Variants in TOX observed in about 807,000 individuals in gnomAD.
The protein encoded by TOX is thymocyte selection associated high mobility group box, also known as thymocyte selection-associated high mobility group box protein TOX.
Under a neutral mutation model 53.7 loss-of-function variants are expected in TOX, and 11 were observed. The observed-to-expected ratio is 0.20, with a 90% CI of 0.13 to 0.34. The LOEUF is 0.34. Ranked by LOEUF, TOX falls within the 10% of genes least tolerant of loss-of-function variation. The probability of loss-of-function intolerance (pLI) is 1.00; values close to 1 mark genes in which losing one functional copy is unlikely to be tolerated. For missense variants in TOX, 570 were observed against 664.6 expected, an observed-to-expected ratio of 0.86 and a Z score of 1.56; for synonymous variants, 225 against 245.3, an observed-to-expected ratio of 0.92 and a Z score of 0.77.
intron 3 of TOX, among the ~76,000 whole-genome samples, chr8:58,906,388 G>A (rs1166893948): frequency 6.6e-6 from 1 of 152,224 alleles, no homozygotes; most frequent in Non-Finnish European, 1.5e-5. Context: ...GAAAAGGGAT[G>A]CTGAAGCATC....
chr8:58,816,169 G>A (rs1240144890), intron 6 of TOX, among the ~76,000 whole-genome samples: 1 of 152,140 alleles, frequency 6.6e-6, no homozygotes, highest in African/African-American at 2.4e-5. Context: ...TTCTCAAAGA[G>A]ACTTGGCCTA....
At chr8:58,892,884 C>A (rs941369291) in intron 3 of TOX, among the ~76,000 whole-genome samples, 7 of 152,040 alleles carry the variant, frequency 4.6e-5, no homozygotes, top group South Asian at 2.1e-4. Context: ...GTTGGAGAAG[C>A]AATTGTGAGG....
Position 58,920,716 on chromosome 8 carries a change from AAC to A in TOX, c.411+18584_411+18585del, listed in dbSNP as rs1403196494. Among the ~76,000 whole-genome samples, 32 of 69,248 alleles carry A rather than the reference AAC, an allele frequency of 4.6e-4. 1 individual carries two copies. The highest frequency in any genetic ancestry group is 2.7e-3 in the South Asian group (5 of 1,832). 45.4% of individuals were successfully genotyped at this position (69,248 alleles called of 152,430 possible). On this transcript the variant is annotated intron_variant, in intron 3 of 8. Coordinates refer to ENST00000361421, the MANE Select transcript of TOX (RefSeq NM_014729.3). Reference sequence around the variant, plus strand: ...AAAACTTAAAGTATAATAAAAAAAAAACATTAAAAAAAAAAAAAAAGAAAAAA... The same window carrying A: ...AAAACTTAAAGTATAATAAAAAAAAAATTAAAAAAAAAAAAAAAGAAAAAA...
intron 6 of TOX, among the ~76,000 whole-genome samples, chr8:58,821,143 C>T (rs1253590102): frequency 6.6e-6 from 1 of 152,024 alleles, no homozygotes; most frequent in Non-Finnish European, 1.5e-5. Flanking sequence ...TTGTTTATAT[C>T]TAGATCATAT....
intron 3 of TOX, among the ~76,000 whole-genome samples, chr8:58,891,325 G>T (rs1811557798): frequency 6.6e-6 from 1 of 151,634 alleles, no homozygotes; most frequent in African/African-American, 2.4e-5. Flanking sequence ...ATAGGAAAAA[G>T]AAAAAAGGGA....
intron 2 of TOX, among the ~76,000 whole-genome samples, chr8:58,955,388 A>G (rs1812693638): frequency 6.6e-6 from 1 of 152,160 alleles, no homozygotes; most frequent in South Asian, 2.1e-4. Flanking sequence ...GAATAAAAGC[A>G]GGAAGGTGGT....
Position 58,877,649 on chromosome 8 carries a change from C to T in TOX, c.412-25844G>A, listed in dbSNP as rs116739383. ...GTAATCAGGGATCTGAAAGAACATC[C>T]TGTAGGTTATATGCAGTCTCTTTTA... is the stretch of plus-strand genomic sequence containing the variant. On this transcript the variant is annotated intron_variant, in intron 3 of 8. Coordinates refer to ENST00000361421, the MANE Select transcript of TOX (RefSeq NM_014729.3). Among the ~76,000 whole-genome samples, 596 of 152,282 alleles carry T rather than the reference C, an allele frequency of 3.9e-3. 6 individuals are homozygous for T. The highest frequency in any genetic ancestry group is 0.014 in the African/African-American group (577 of 41,554).
At chr8:58,817,144 C>T (rs997240699) in intron 6 of TOX, among the ~76,000 whole-genome samples, 5 of 152,054 alleles carry the variant, frequency 3.3e-5, no homozygotes, top group Admixed American at 6.6e-5. Flanking sequence ...TCTGAATACT[C>T]CACGCACAGT....
At chr8:58,993,088 A>AG in intron 1 of TOX, 1 of 152,138 alleles carries the variant, frequency 6.6e-6, no homozygotes, top group Non-Finnish European at 1.5e-5. Flanking sequence ...CCACCAAGAC[A>AG]GAGAACAGGA....
At chr8:58,997,885 T>C (rs947857460) in intron 1 of TOX, among the ~76,000 whole-genome samples, 2 of 152,032 alleles carry the variant, frequency 1.3e-5, no homozygotes, top group South Asian at 4.1e-4. Context: ...CTCCGCCTCC[T>C]GGGTTCACGC....
At chr8:58,992,209 T>TA (rs1813466700) in intron 1 of TOX, 1 of 152,202 alleles carries the variant, frequency 6.6e-6, no homozygotes. Flanking sequence ...CACAGAGGTC[T>TA]AAGTCTACAA....
chr8:58,894,811 G>A (rs1444696479), intron 3 of TOX, among the ~76,000 whole-genome samples: 3 of 152,122 alleles, frequency 2.0e-5, no homozygotes, highest in African/African-American at 4.8e-5. Context: ...CAGAAGAATC[G>A]CTTGAACCCA....
intron 1 of TOX, among the ~76,000 whole-genome samples, chr8:59,004,323 G>C (rs1179631125): frequency 6.6e-6 from 1 of 152,192 alleles, no homozygotes; most frequent in Non-Finnish European, 1.5e-5. Context: ...TAAGCAACTA[G>C]TGTAGTTTGA....
intron 3 of TOX, among the ~76,000 whole-genome samples, chr8:58,897,815 T>C (rs1014689102): frequency 2.0e-5 from 3 of 152,104 alleles, no homozygotes; most frequent in Admixed American, 2.0e-4. Context: ...TGGATATTTC[T>C]ACATTTTTTT....
chr8:59,029,532 A>C (rs891426827), intron 1 of TOX, among the ~76,000 whole-genome samples: 2 of 152,152 alleles, frequency 1.3e-5, no homozygotes, highest in Non-Finnish European at 2.9e-5. Flanking sequence ...ATCAATCCTC[A>C]TTAAACCTGG....
intron 3 of TOX, among the ~76,000 whole-genome samples, chr8:58,874,002 A>G (rs1811243446): frequency 1.3e-5 from 1 of 76,004 alleles, no homozygotes; most frequent in Non-Finnish European, 2.3e-5. Flanking sequence ...ACCATGATAG[A>G]TGAGGGTCTA....
chr8:59,013,360 T>G lies in TOX; in HGVS notation c.103-53352A>C, dbSNP rs571388776. ...GAGGCTTCAGATTATCTTAAAGTTATCATTTGATAATTTAAAACTCTGTAG... is the reference window on the plus strand; with the variant it reads ...GAGGCTTCAGATTATCTTAAAGTTAGCATTTGATAATTTAAAACTCTGTAG... On this transcript the variant is annotated intron_variant, in intron 1 of 8. Transcript: ENST00000361421. Among the ~76,000 whole-genome samples, 162 of 151,906 alleles carry G rather than the reference T, an allele frequency of 1.1e-3. 1 individual carries two copies. Among genetic ancestry groups the G allele is most frequent in the Non-Finnish European group, 1.9e-3 (131 of 67,974 alleles).
rs547431871 is a variant in TOX, at chr8:59,023,058, G to A, written c.103-63050C>T. Among the ~76,000 whole-genome samples the A allele has an allele frequency of 2.0e-5, 3 of 152,236 alleles. No homozygotes were observed. The East Asian group carries it at 5.8e-4, about 29-fold the overall frequency. On this transcript the variant is annotated intron_variant, in intron 1 of 8. Coordinates refer to ENST00000361421, the MANE Select transcript of TOX (RefSeq NM_014729.3). ...CATTTAAATTATGAAAATCTCAGTG[G>A]TGTATGACTTCCACTCTGCAATTTT...
At chr8:59,047,942 A>C (rs1803719588) in intron 1 of TOX, among the ~76,000 whole-genome samples, 1 of 152,198 alleles carries the variant, frequency 6.6e-6, no homozygotes, top group South Asian at 2.1e-4. Context: ...ATCCAGCCTC[A>C]ATTTGGAATG....
Sources: gnomAD v4.1 joint callset for allele counts (sites outside exome capture counted in the v4.1 genomes callset) on GRCh38, gnomAD v4.1.1 for gene constraint, MANE v1.5 for transcripts, NCBI Gene and HGNC (gene_info 2026-07-23, HGNC 2026-07-21) for gene names.